MIA2: variants seen among roughly 807,000 people sequenced by gnomAD.
The protein encoded by MIA2 is melanoma inhibitory activity protein 2.
MIA2 carries 127 observed loss-of-function variants against 167.8 expected under a neutral mutation model. The observed-to-expected ratio is 0.76, with a 90% CI of 0.66 to 0.88. The LOEUF is 0.88. MIA2 is among the 40% of genes least tolerant of loss of function. MIA2 has a pLI of 0.00. For missense variants in MIA2, 1,690 were observed against 1,624.7 expected (o/e 1.04, Z -0.69); for synonymous variants, 552 against 541.9 (o/e 1.02, Z -0.26).
rs146962965 is a variant in MIA2 at position 39,358,938 on chromosome 14, C to T, written c.2248+9961C>T. On this transcript the variant is annotated intron_variant, in intron 23 of 23. Coordinates refer to the MIA2 transcript ENST00000341502. ...GTTTTGTCTCAGAGGAGTACCTGGC[C>T]GTGTGAGGTGTCAGTCTGCCCCTAC... Among the ~76,000 whole-genome samples the T allele has an allele frequency of 7.1e-3, 1,087 of 152,232 alleles. 13 individuals carry two copies. Among genetic ancestry groups the T allele is most frequent in the African/African-American group, 0.024 (982 of 41,522 alleles).
chr14:39,264,070 C>T (rs961588147), intron 6 of MIA2, among the ~76,000 whole-genome samples: 1 of 152,142 alleles, frequency 6.6e-6, no homozygotes, highest in Non-Finnish European at 1.5e-5. Flanking sequence ...ACATAATATT[C>T]AGTGGGAAGT....
intron 19 of MIA2, among the ~76,000 whole-genome samples, chr14:39,314,160 TG>T (rs1403662031): frequency 2.0e-5 from 3 of 152,114 alleles, no homozygotes; most frequent in Middle Eastern, 6.8e-3. Flanking sequence ...CCAAGGTGGG[TG>T]GATCATCTGA....
intron 7 of MIA2, 137 bp from the exon 8 acceptor site, chr14:39,279,200 A>G (rs2058580556): frequency 4.5e-6 from 3 of 664,344 alleles, no homozygotes; most frequent in Admixed American, 6.2e-5. Context: ...CTCATTGGAA[A>G]CAGAATACTT....
intron 6 of MIA2, among the ~76,000 whole-genome samples, chr14:39,274,470 C>T (rs1340274402): frequency 1.3e-5 from 2 of 149,460 alleles, no homozygotes; most frequent in Non-Finnish European, 3.0e-5. Context: ...ACTCTGTCAC[C>T]CAGGCTGGAG....
intron 10 of MIA2, among the ~76,000 whole-genome samples, chr14:39,292,436 A>G (rs2060862242): frequency 6.6e-6 from 1 of 152,200 alleles, no homozygotes; most frequent in African/African-American, 2.4e-5. Flanking sequence ...TAGTAATCAT[A>G]ATTGAATTCA....
chr14:39,290,944 T>C, intron 9 of MIA2, 75 bp from the exon 10 acceptor site: 1 of 1,292,034 alleles, frequency 7.7e-7, no homozygotes. Context: ...TTCTGTCTGC[T>C]TCTTAGGCAT....
At chr14:39,243,941 A>G (rs1375150900) in intron 3 of MIA2, among the ~76,000 whole-genome samples, 3 of 152,192 alleles carry the variant, frequency 2.0e-5, no homozygotes, top group Non-Finnish European at 4.4e-5. Flanking sequence ...AGCTTCAATA[A>G]AGTATGGATA....
At position 39,285,451 on chromosome 14, in the gene MIA2, G is replaced by A. The variant is rs1175810092; in HGVS notation, c.2131-5568G>A. On this transcript the variant is annotated intron_variant, in intron 9 of 28. Transcript: ENST00000640607. ...TGACCCCCCCACCTTCCTCCCGGAC[G>A]GGGCGGCTGGCCGGGCGGGGGCTGA... Among the ~76,000 whole-genome samples, 14 of 140,844 alleles carry A rather than the reference G, an allele frequency of 9.9e-5. 2 individuals are homozygous for A. The highest frequency in any genetic ancestry group is 1.6e-4 in the African/African-American group (6 of 38,070). The allele number at this position is 140,844 out of a possible 152,430, so 92.4% of individuals were successfully genotyped here. A position where few individuals can be genotyped will look rare whatever the true frequency, so the allele number is the denominator to read the frequency against.
intron 23 of MIA2, among the ~76,000 whole-genome samples, chr14:39,382,953 G>GTTTTTGTT (rs2075197880): frequency 1.3e-5 from 1 of 75,054 alleles, no homozygotes; most frequent in Non-Finnish European, 2.5e-5. Flanking sequence ...TATGGCCACA[G>GTTTTTGTT]TTTTTTTTTT....
At chr14:39,266,992 C>T (rs779878505) in intron 6 of MIA2, 7 of 814,048 alleles carry the variant, frequency 8.6e-6, no homozygotes, top group South Asian at 4.8e-5. Context: ...CGAATCTCAT[C>T]CTCTAGTCCC....
chr14:39,344,142 C>A (rs17109146), intron 25 of MIA2, among the ~76,000 whole-genome samples: 3,436 of 152,188 alleles, frequency 0.023, 136 homozygotes, highest in African/African-American at 0.078. Flanking sequence ...TTGCTTTTGC[C>A]AGTGGAGGGC....
intron 18 of MIA2, among the ~76,000 whole-genome samples, chr14:39,309,302 T>G (rs74882189): frequency 1.3e-5 from 2 of 152,334 alleles, no homozygotes; most frequent in East Asian, 3.9e-4. Context: ...TCAAAATCCC[T>G]GAGTGCCTTT....
In MIA2 at chr14:39,324,619, T is replaced by A. The variant is rs756638312; in HGVS notation, c.3497-2245T>A. Among the ~76,000 whole-genome samples, 90 of 152,042 alleles carry A rather than the reference T, an allele frequency of 5.9e-4. 1 individual carries two copies. Among genetic ancestry groups the A allele is most frequent in the African/African-American group, 1.5e-3 (64 of 41,398 alleles). On this transcript the variant is annotated intron_variant, in intron 24 of 28. Coordinates refer to ENST00000640607, the MANE Select transcript of MIA2 (RefSeq NM_001329214.4). ...GTTAGACTTCTTTTTTTTTTATTTT[T>A]TTTTTTTGAGATAGTCTCACTGTGT... is the stretch of plus-strand genomic sequence containing the variant.
intron 23 of MIA2, among the ~76,000 whole-genome samples, chr14:39,362,815 C>A (rs1039494227): frequency 2.0e-5 from 3 of 152,042 alleles, no homozygotes; most frequent in Non-Finnish European, 4.4e-5. Context: ...ATGTCTGTTG[C>A]TATAAAATTC....
intron 23 of MIA2, among the ~76,000 whole-genome samples, chr14:39,359,929 A>T (rs375614903): frequency 6.6e-6 from 1 of 151,528 alleles, no homozygotes; most frequent in East Asian, 1.9e-4. Flanking sequence ...TAGTGGTTAT[A>T]CTAATTTACA....
In MIA2 at chr14:39,276,955, G is replaced by T. The variant is rs956941577; in HGVS notation, c.1909G>T (p.Gly637Cys). The change falls in exon 7 of 29, where the codon GGT becomes TGT. Residue 637 changes from glycine to cysteine, a missense_variant. By Grantham distance (159) the Gly-to-Cys change is radical. Transcript: ENST00000640607. ...TERVVAALPEGMRPDSNLYGF... is the reference protein window; with the variant it reads ...TERVVAALPECMRPDSNLYGF... ...GAAGGTTGTGGCAGCACTGCCTGAA[G>T]GTATGAGACCAGATTCTAATCTTTA... The T allele has an allele frequency of 1.2e-6, 2 of 1,613,364 alleles. No individual in the cohort carries two copies. Among genetic ancestry groups the T allele is most frequent in the African/African-American group, 2.7e-5 (2 of 74,864 alleles).
At chr14:39,266,490 G>A in intron 6 of MIA2, 2 of 985,516 alleles carry the variant, frequency 2.0e-6, no homozygotes, top group Non-Finnish European at 2.4e-6. Context: ...TAATGGAACT[G>A]AAGACAGCTG....
chr14:39,354,275 T>G (rs536354884), downstream of MIA2, among the ~76,000 whole-genome samples: 2 of 152,232 alleles, frequency 1.3e-5, no homozygotes, highest in African/African-American at 4.8e-5. Context: ...TGTGAGATGG[T>G]ATCTCATTGT....
intron 9 of MIA2, among the ~76,000 whole-genome samples, chr14:39,286,847 C>T (rs2059880088): frequency 1.4e-5 from 2 of 144,800 alleles, no homozygotes; most frequent in South Asian, 4.6e-4. Context: ...ATGTGCACTA[C>T]TGTGCCTGGC....
Sources: gnomAD v4.1 joint callset for allele counts (sites outside exome capture counted in the v4.1 genomes callset) on GRCh38, gnomAD v4.1.1 for gene constraint, MANE v1.5 for transcripts, NCBI Gene and HGNC (gene_info 2026-07-23, HGNC 2026-07-21) for gene names.